Variants in MID1 observed in about 807,000 individuals in gnomAD.
MID1 encodes the protein E3 ubiquitin-protein ligase Midline-1.
A neutral mutation model predicts 40.4 loss-of-function variants in MID1; 7 were observed. That is an observed-to-expected ratio of 0.17 (90% CI 0.10 to 0.33). The LOEUF (loss-of-function observed/expected upper bound fraction) is 0.33. MID1 is among the 10% of genes least tolerant of loss of function. The pLI is 1.00. For missense variants in MID1, 367 were observed against 558.5 expected (o/e 0.66, Z 3.46); for synonymous variants, 229 against 221.2 (o/e 1.04, Z -0.31).
intron 1 of MID1, among the ~76,000 whole-genome samples, chrX:10,756,310 G>A (rs778264593): frequency 8.9e-5 from 10 of 112,631 alleles, no homozygotes; most frequent in Non-Finnish European, 1.7e-4. Flanking sequence ...TCATACACAA[G>A]CGAGCAATGA....
intron 6 of MID1, 122 bp from the exon 7 acceptor site, chrX:10,469,962 A>AGAT (rs1929607292): frequency 1.6e-6 from 1 of 625,486 alleles, no homozygotes; most frequent in South Asian, 2.9e-5. Flanking sequence ...ACTATCCTAG[A>AGAT]GATGGTGACC....
intron 1 of MID1, among the ~76,000 whole-genome samples, chrX:10,613,720 TATATATATATATAGAGAGAGAG>T (rs1322094599): frequency 1.2e-4 from 7 of 56,038 alleles, no homozygotes; most frequent in East Asian, 5.3e-4. Flanking sequence ...TATATATATA[TATATATATATATAGAGAGAGAG>T]AGAGAGAGAG....
At chrX:10,451,870 C>T (rs1263495781) in intron 9 of MID1, among the ~76,000 whole-genome samples, 1 of 110,732 alleles carries the variant, frequency 9.0e-6, no homozygotes, top group South Asian at 3.7e-4. Flanking sequence ...TTGCAAATTG[C>T]CTGGTCTTGG....
intron 1 of MID1, among the ~76,000 whole-genome samples, chrX:10,788,364 T>C (rs2043902678): frequency 9.0e-6 from 1 of 111,704 alleles, no homozygotes; most frequent in Non-Finnish European, 1.9e-5. Flanking sequence ...ATGTTCATGG[T>C]TGTGTCACCT....
At chrX:10,509,228 T>C (rs1931993773) in intron 3 of MID1, among the ~76,000 whole-genome samples, 2 of 111,275 alleles carry the variant, frequency 1.8e-5, no homozygotes, top group South Asian at 7.6e-4. Flanking sequence ...GTTGCTAATT[T>C]TGAAGTTGTG....
intron 1 of MID1, among the ~76,000 whole-genome samples, chrX:10,683,768 A>ATTTTTT (rs2043074650): frequency 2.7e-5 from 2 of 72,991 alleles, no homozygotes; most frequent in African/African-American, 1.5e-4. Flanking sequence ...ATTGCACGTC[A>ATTTTTT]TCTTTTTTTT....
chrX:10,814,535 T>G (rs1454936484), intron 1 of MID1, among the ~76,000 whole-genome samples: 1 of 110,533 alleles, frequency 9.0e-6, no homozygotes, highest in Non-Finnish European at 1.9e-5. Flanking sequence ...TGCAAAATAA[T>G]CTACCAATTT....
chrX:10,567,607 G>C lies in MID1; in HGVS notation c.-56-4C>G. 1 of 1,179,769 alleles carries C rather than the reference G, an allele frequency of 8.5e-7. No individual in the cohort carries two copies. Among genetic ancestry groups the C allele is most frequent in the Non-Finnish European group, 1.2e-6 (1 of 866,757 alleles). On this transcript the variant is annotated splice_polypyrimidine_tract_variant and splice_region_variant and intron_variant, in intron 1 of 9. Transcript: ENST00000317552. ...CCCAAGGAAGCTGATCAGCTATCTGGAAACAAGAATGTAAGATTTGATTAG... is the reference window on the plus strand; with the variant it reads ...CCCAAGGAAGCTGATCAGCTATCTGCAAACAAGAATGTAAGATTTGATTAG...
intron 1 of MID1, among the ~76,000 whole-genome samples, chrX:10,571,300 T>C (rs1934715433): frequency 8.9e-6 from 1 of 111,834 alleles, no homozygotes; most frequent in Non-Finnish European, 1.9e-5. Flanking sequence ...TGGTTTGATA[T>C]CTATAGTGCA....
intron 2 of MID1, among the ~76,000 whole-genome samples, chrX:10,529,831 C>G (rs1932912850): frequency 8.9e-6 from 1 of 112,135 alleles, no homozygotes; most frequent in Non-Finnish European, 1.9e-5. Flanking sequence ...CCACCGTACA[C>G]CCTTAAATAT....
intron 1 of MID1, among the ~76,000 whole-genome samples, chrX:10,569,095 A>G (rs1934653681): frequency 1.8e-5 from 2 of 111,978 alleles, no homozygotes; most frequent in Admixed American, 1.9e-4. Flanking sequence ...CTTATTTACA[A>G]AATTCACGGT....
intron 1 of MID1, among the ~76,000 whole-genome samples, chrX:10,767,478 C>T (rs113993342): frequency 0.037 from 4,093 of 110,756 alleles, 166 homozygotes; most frequent in African/African-American, 0.12. Flanking sequence ...CGCCACCACG[C>T]CCAGCTAATT....
At chrX:10,794,071 C>T (rs2043952785) in intron 1 of MID1, among the ~76,000 whole-genome samples, 1 of 111,792 alleles carries the variant, frequency 8.9e-6, no homozygotes, top group Non-Finnish European at 1.9e-5. Flanking sequence ...TGCCCCTGGC[C>T]CATTATAGGC....
chrX:10,521,974 G>A (rs746153416), intron 3 of MID1, among the ~76,000 whole-genome samples: 5 of 111,445 alleles, frequency 4.5e-5, no homozygotes, highest in African/African-American at 1.6e-4. Flanking sequence ...CAAGTAACTG[G>A]GACCACAGGT....
At chrX:10,642,368 C>T in intron 1 of MID1, among the ~76,000 whole-genome samples, 1 of 110,088 alleles carries the variant, frequency 9.1e-6, no homozygotes, top group Admixed American at 9.7e-5. Context: ...TCCTACACAG[C>T]AATAACAGAC....
chrX:10,625,643 C>T (rs1205489973), intron 1 of MID1, among the ~76,000 whole-genome samples: 1 of 112,246 alleles, frequency 8.9e-6, no homozygotes, highest in African/African-American at 3.2e-5. Flanking sequence ...TTAAGAGCTC[C>T]ATTTTATTTA....
At chrX:10,585,625 T>C (rs1935123637) in intron 1 of MID1, among the ~76,000 whole-genome samples, 1 of 110,858 alleles carries the variant, frequency 9.0e-6, no homozygotes. Flanking sequence ...CGTTCCTCTT[T>C]TTTCTAGTGA....
At chrX:10,700,369 T>C (rs906920175) in intron 1 of MID1, among the ~76,000 whole-genome samples, 2 of 110,148 alleles carry the variant, frequency 1.8e-5, no homozygotes, top group Non-Finnish European at 3.8e-5. Context: ...TTAGGCAACA[T>C]GGTGAGTCCC....
At chrX:10,706,161 T>G (rs950992570) in intron 1 of MID1, among the ~76,000 whole-genome samples, 2 of 110,816 alleles carry the variant, frequency 1.8e-5, no homozygotes, top group Admixed American at 1.9e-4. Flanking sequence ...CATTGTCAAA[T>G]GCTTCCTGAG....
Sources: gnomAD v4.1 joint callset for allele counts (sites outside exome capture counted in the v4.1 genomes callset) on GRCh38, gnomAD v4.1.1 for gene constraint, MANE v1.5 for transcripts, NCBI Gene and HGNC (gene_info 2026-07-23, HGNC 2026-07-21) for gene names.